ZBTB20: variants seen among roughly 807,000 people sequenced by gnomAD.
The protein encoded by ZBTB20 is zinc finger and BTB domain-containing protein 20.
A neutral mutation model predicts 56.9 loss-of-function variants in ZBTB20; 9 were observed. The observed-to-expected ratio is 0.16, with a 90% CI of 0.10 to 0.28. The LOEUF is 0.28. ZBTB20 is among the 10% of genes least tolerant of loss of function. The probability of loss-of-function intolerance (pLI) is 1.00; values close to 1 mark genes in which losing one functional copy is unlikely to be tolerated. For synonymous variants in ZBTB20, 417 were observed against 420.7 expected (o/e 0.99, Z 0.11); for missense variants, 655 against 1,003.0 (o/e 0.65, Z 4.69).
At chr3:114,735,191 C>T (rs2108562833) in intron 5 of ZBTB20, among the ~76,000 whole-genome samples, 1 of 151,824 alleles carries the variant, frequency 6.6e-6, no homozygotes, top group South Asian at 2.1e-4. Context: ...TTATAATATT[C>T]AATATGATAA....
chr3:114,371,687 AAGC>A (rs1196161446), intron 10 of ZBTB20, among the ~76,000 whole-genome samples: 1 of 152,210 alleles, frequency 6.6e-6, no homozygotes, highest in Non-Finnish European at 1.5e-5. Context: ...ACTTAGTAAC[AAGC>A]AGCATAAATG....
At chr3:115,017,653 T>C (rs2080027603) in intron 2 of ZBTB20, among the ~76,000 whole-genome samples, 2 of 151,546 alleles carry the variant, frequency 1.3e-5, no homozygotes, top group Admixed American at 1.3e-4. Context: ...TTTCTCACAA[T>C]TTCTTTCATA....
intron 4 of ZBTB20, among the ~76,000 whole-genome samples, chr3:114,852,420 T>C (rs1011834233): frequency 1.3e-5 from 2 of 151,650 alleles, no homozygotes; most frequent in African/African-American, 2.4e-5. Flanking sequence ...CCCACCACCA[T>C]GCCCGGCTAA....
At position 114,990,532 on chromosome 3, in the gene ZBTB20, G is replaced by A. The variant is rs191493906; in HGVS notation, c.-506-16116C>T. 4.8e-3 allele frequency among the ~76,000 whole-genome samples: 730 copies of A among 152,120 alleles called. 4 individuals carry two copies. The highest frequency in any genetic ancestry group is 0.031 in the Middle Eastern group (9 of 294). On this transcript the variant is annotated intron_variant, in intron 2 of 11. Coordinates refer to ENST00000675478, the MANE Select transcript of ZBTB20 (RefSeq NM_001348800.3). ...GTATTTTATTGAGGATTTTTGCATC[G>A]ATGTTTTCATCAGGGATATTGGTCT... is the stretch of plus-strand genomic sequence containing the variant.
chr3:114,440,001 G>C (rs1044734501), intron 7 of ZBTB20, among the ~76,000 whole-genome samples: 9 of 152,118 alleles, frequency 5.9e-5, no homozygotes, highest in African/African-American at 9.7e-5. Context: ...ATCATGCTTA[G>C]ATTTCAAAAG....
At chr3:114,340,997 A>T (rs1227488182) in intron 11 of ZBTB20, among the ~76,000 whole-genome samples, 1 of 152,208 alleles carries the variant, frequency 6.6e-6, no homozygotes, top group African/African-American at 2.4e-5. Context: ...TTAAGTGCTG[A>T]CTATGTAGCA....
At chr3:114,456,152 T>G (rs1358863262) in intron 7 of ZBTB20, among the ~76,000 whole-genome samples, 1 of 151,972 alleles carries the variant, frequency 6.6e-6, no homozygotes, top group African/African-American at 2.4e-5. Context: ...GGAAATATAA[T>G]TACATATATA....
At chr3:115,141,744 G>A (rs2084817014) in intron 1 of ZBTB20, among the ~76,000 whole-genome samples, 1 of 152,178 alleles carries the variant, frequency 6.6e-6, no homozygotes, top group South Asian at 2.1e-4. Flanking sequence ...CCTTCACACA[G>A]CCTAGTATCT....
chr3:114,999,139 G>A (rs1275370081), intron 2 of ZBTB20, among the ~76,000 whole-genome samples: 1 of 143,452 alleles, frequency 7.0e-6, no homozygotes, highest in Non-Finnish European at 1.5e-5. Flanking sequence ...AGAGGAAGGG[G>A]GAAAGGGAGA....
intron 2 of ZBTB20, among the ~76,000 whole-genome samples, chr3:114,983,071 T>G (rs1380332241): frequency 2.6e-5 from 4 of 152,022 alleles, no homozygotes; most frequent in Non-Finnish European, 5.9e-5. Flanking sequence ...GGTTTTCAAA[T>G]TCCTCCATAA....
At chr3:114,975,615 T>G (rs2078067018) in intron 2 of ZBTB20, among the ~76,000 whole-genome samples, 1 of 152,132 alleles carries the variant, frequency 6.6e-6, no homozygotes, top group South Asian at 2.1e-4. Context: ...TGCATCAGCA[T>G]TATTACAGTT....
rs114544917 is a variant in ZBTB20, at chr3:115,144,149, C to G, written c.-703+3070G>C. 7.3e-3 allele frequency among the ~76,000 whole-genome samples: 1,117 copies of G among 152,218 alleles called. 6 individuals carry two copies. Among genetic ancestry groups the G allele is most frequent in the Non-Finnish European group, 0.013 (852 of 68,018 alleles). ...GCCCATCAATCTCTACTTCCGTATT[C>G]CAAATGTTTTTGAAGAAGTCTCTGC... On this transcript the variant is annotated intron_variant, in intron 1 of 11. Coordinates refer to ENST00000675478, the MANE Select transcript of ZBTB20 (RefSeq NM_001348800.3).
At chr3:114,341,203 C>T (rs1207113524) in intron 11 of ZBTB20, among the ~76,000 whole-genome samples, 1 of 151,758 alleles carries the variant, frequency 6.6e-6, no homozygotes, top group African/African-American at 2.4e-5. Context: ...AGGGAAGCCT[C>T]ATTGCTAATA....
At chr3:115,032,005 A>G (rs1042593337) in intron 2 of ZBTB20, among the ~76,000 whole-genome samples, 2 of 151,502 alleles carry the variant, frequency 1.3e-5, no homozygotes, top group Non-Finnish European at 3.0e-5. Flanking sequence ...TATCATGACA[A>G]AATTGTCTTC....
At chr3:114,709,874 T>C (rs1261655438) in intron 5 of ZBTB20, among the ~76,000 whole-genome samples, 9 of 152,224 alleles carry the variant, frequency 5.9e-5, no homozygotes, top group Admixed American at 6.6e-5. Flanking sequence ...TGCTCCGTCA[T>C]AAAGAGAAAG....
At chr3:114,390,444 G>A (rs1313435580) in intron 7 of ZBTB20, among the ~76,000 whole-genome samples, 3 of 152,130 alleles carry the variant, frequency 2.0e-5, no homozygotes, top group Non-Finnish European at 4.4e-5. Flanking sequence ...TCACTGCAAA[G>A]GCTCCATTTT....
At chr3:115,145,847 TTG>T (rs2084948192) in intron 1 of ZBTB20, among the ~76,000 whole-genome samples, 1 of 152,210 alleles carries the variant, frequency 6.6e-6, no homozygotes, top group South Asian at 2.1e-4. Context: ...AAAATGGTAA[TTG>T]TGTTTTAAAA....
At chr3:114,455,906 C>T (rs1400209405) in intron 7 of ZBTB20, among the ~76,000 whole-genome samples, 1 of 152,046 alleles carries the variant, frequency 6.6e-6, no homozygotes, top group African/African-American at 2.4e-5. Context: ...ATCAATCTCT[C>T]CCCCTCCCAA....
chr3:115,049,132 C>A (rs980035132), intron 2 of ZBTB20, among the ~76,000 whole-genome samples: 1 of 152,036 alleles, frequency 6.6e-6, no homozygotes, highest in Non-Finnish European at 1.5e-5. Context: ...GCCATCATGT[C>A]CTGTAGGAAG....
Sources: gnomAD v4.1 joint callset for allele counts (sites outside exome capture counted in the v4.1 genomes callset) on GRCh38, gnomAD v4.1.1 for gene constraint, MANE v1.5 for transcripts, NCBI Gene and HGNC (gene_info 2026-07-23, HGNC 2026-07-21) for gene names.